Variants in TRIM14 observed in about 807,000 individuals in gnomAD.
TRIM14 encodes tripartite motif containing 14.
In TRIM14, 28 loss-of-function variants were observed where a neutral mutation model predicts 44.5. The ratio of observed to expected loss-of-function variants is 0.63; its 90% CI spans 0.47 to 0.86. TRIM14 has a LOEUF of 0.86. TRIM14 is among the 40% of genes least tolerant of loss of function. The pLI, the probability that TRIM14 is intolerant of heterozygous loss-of-function variation, is 0.00. For synonymous variants in TRIM14, 299 were observed against 269.2 expected, an observed-to-expected ratio of 1.11 and a Z score of -1.08; for missense variants, 607 against 611.1, an observed-to-expected ratio of 0.99 and a Z score of 0.07.
intron 5 of TRIM14, among the ~76,000 whole-genome samples, chr9:98,088,679 C>T (rs990006834): frequency 6.6e-6 from 1 of 152,178 alleles, no homozygotes; most frequent in Non-Finnish European, 1.5e-5. Context: ...GATGTTTGGA[C>T]GCATAACTTA....
chr9:98,044,696 C>G, the TRIM14 span, among the ~76,000 whole-genome samples: 3 of 152,090 alleles, frequency 2.0e-5, no homozygotes, highest in Admixed American at 2.0e-4. Context: ...CTCTTGGATG[C>G]TGAGTAAACT....
chr9:98,063,144 T>A, the TRIM14 span, among the ~76,000 whole-genome samples: 1 of 151,924 alleles, frequency 6.6e-6, no homozygotes, highest in Admixed American at 6.6e-5. Context: ...GCCAGGCTGA[T>A]CTCAAACTCC....
At chr9:98,050,823 G>C in the TRIM14 span, among the ~76,000 whole-genome samples, 693 of 152,156 alleles carry the variant, frequency 4.6e-3, 6 homozygotes, top group Non-Finnish European at 8.2e-3. Context: ...ACCCAGGCTG[G>C]AGTGCAGTGG....
intron 6 of TRIM14, chr9:98,076,818 A>G (rs1829612131): frequency 1.1e-6 from 1 of 916,422 alleles, no homozygotes; most frequent in Non-Finnish European, 1.7e-6. Context: ...TCTACTGCCT[A>G]AGATGAGGGG....
At chr9:98,058,887 G>A in the TRIM14 span, among the ~76,000 whole-genome samples, 7 of 152,180 alleles carry the variant, frequency 4.6e-5, no homozygotes, top group Admixed American at 3.9e-4. Flanking sequence ...TAGACAATGA[G>A]AGCTCTGTTG....
intron 1 of TRIM14, among the ~76,000 whole-genome samples, chr9:98,117,053 C>T (rs1195746548): frequency 6.6e-6 from 1 of 152,032 alleles, no homozygotes; most frequent in African/African-American, 2.4e-5. Flanking sequence ...CCTGTTATTC[C>T]TGTTATTAGA....
At chr9:98,054,709 G>A in the TRIM14 span, among the ~76,000 whole-genome samples, 5 of 152,162 alleles carry the variant, frequency 3.3e-5, no homozygotes, top group South Asian at 2.1e-4. Flanking sequence ...GTGCCCTGCC[G>A]ATAGAGATGA....
the TRIM14 span, among the ~76,000 whole-genome samples, chr9:98,036,085 T>C: frequency 6.6e-6 from 1 of 151,616 alleles, no homozygotes; most frequent in African/African-American, 2.4e-5. Flanking sequence ...GGCATGTGCC[T>C]GTAATCCCAG....
chr9:98,056,819 A>G, the TRIM14 span: 1 of 1,608,312 alleles, frequency 6.2e-7, no homozygotes, highest in Non-Finnish European at 8.5e-7. Context: ...ATGCCGCTGG[A>G]GCTGGAGCTG....
chr9:98,082,524 G>A (rs62575599), downstream of TRIM14, among the ~76,000 whole-genome samples: 38 of 152,174 alleles, frequency 2.5e-4, 1 homozygote, highest in South Asian at 4.1e-4. Context: ...TCATCTGACA[G>A]GATAAGTTTC....
intron 1 of TRIM14, among the ~76,000 whole-genome samples, chr9:98,114,164 G>A (rs1826960104): frequency 6.6e-6 from 1 of 152,164 alleles, no homozygotes. Flanking sequence ...TTATTAATGT[G>A]TTCCAAAATT....
the TRIM14 span, chr9:98,056,593 C>T: frequency 1.6e-6 from 1 of 628,024 alleles, no homozygotes; most frequent in Non-Finnish European, 2.6e-6. Context: ...CCCGCCCCGC[C>T]GCCCTTCCCG....
the TRIM14 span, chr9:98,060,831 A>C: frequency 6.2e-7 from 1 of 1,614,208 alleles, no homozygotes; most frequent in Non-Finnish European, 8.5e-7. Context: ...CTAGAATTCA[A>C]GTTTAATCGG....
chr9:98,080,743 G>C (rs1412531427), downstream of TRIM14: 13 of 1,499,450 alleles, frequency 8.7e-6, no homozygotes, highest in Non-Finnish European at 2.7e-6. Context: ...GGCTCAACCA[G>C]ATACGCTTCA....
the TRIM14 span, among the ~76,000 whole-genome samples, chr9:98,048,755 A>G: frequency 0.64 from 96,899 of 152,094 alleles, 33,147 homozygotes; most frequent in African/African-American, 0.89. Context: ...TGGGCATGGT[A>G]GCTCATGCCT....
intron 1 of TRIM14, among the ~76,000 whole-genome samples, chr9:98,114,189 A>T (rs890280043): frequency 4.6e-5 from 7 of 152,250 alleles, no homozygotes; most frequent in Non-Finnish European, 1.0e-4. Flanking sequence ...GAGATTCCTA[A>T]AAGTCTGATA....
intron 6 of TRIM14, among the ~76,000 whole-genome samples, chr9:98,070,635 G>T (rs1476505484): frequency 1.3e-5 from 2 of 151,912 alleles, no homozygotes; most frequent in Non-Finnish European, 2.9e-5. Context: ...GGCCAGGCTG[G>T]TCTCAAACTC....
Position 98,087,202 on chromosome 9 carries a change from A to C in TRIM14, c.*268T>G. ...CCTGTGGGGGTATCACTTTGAAGGA[A>C]CTGGATTAAAGTAGTGTAAGTGATG... On this transcript the variant is annotated 3_prime_UTR_variant, in exon 6 of 6. Coordinates refer to ENST00000341469, the MANE Select transcript of TRIM14 (RefSeq NM_014788.4). The C allele has an allele frequency of 4.0e-6, 3 of 741,562 alleles. No homozygotes were observed. Among genetic ancestry groups the C allele is most frequent in the Non-Finnish European group, 7.6e-6 (3 of 394,402 alleles). The allele number at this position is 741,562 out of a possible 1,614,324, so 45.9% of individuals were successfully genotyped here.
At chr9:98,043,289 C>T in the TRIM14 span, among the ~76,000 whole-genome samples, 16 of 152,036 alleles carry the variant, frequency 1.1e-4, no homozygotes, top group East Asian at 2.3e-3. Flanking sequence ...GCGATTCTTC[C>T]GCCTCAGCCT....
Sources: gnomAD v4.1 joint callset for allele counts (sites outside exome capture counted in the v4.1 genomes callset) on GRCh38, gnomAD v4.1.1 for gene constraint, MANE v1.5 for transcripts, NCBI Gene and HGNC (gene_info 2026-07-23, HGNC 2026-07-21) for gene names.